The following CAPS2 variants were observed in gnomAD, a reference collection of about 807,000 sequenced individuals.
CAPS2 encodes the protein calcyphosine 2.
CAPS2 carries 98 observed loss-of-function variants against 86.5 expected under a neutral mutation model. That is an observed-to-expected ratio of 1.13 (90% CI 0.96 to 1.34). The LOEUF is 1.34. CAPS2 is among the 40% of genes most tolerant of loss of function. The pLI is 0.00. For synonymous variants in CAPS2, 210 were observed against 225.1 expected (o/e 0.93, Z 0.60); for missense variants, 729 against 686.8 (o/e 1.06, Z -0.69).
intron 1 of CAPS2, chr12:75,347,847 A>G: frequency 4.8e-6 from 2 of 413,470 alleles, no homozygotes; most frequent in Non-Finnish European, 8.6e-6. Flanking sequence ...TACAATGCTA[A>G]TCAAATGAGA....
intron 7 of CAPS2, among the ~76,000 whole-genome samples, chr12:75,311,065 ATAAT>A (rs2039104821): frequency 6.6e-6 from 1 of 152,222 alleles, no homozygotes; most frequent in African/African-American, 2.4e-5. Flanking sequence ...GTGGTGACAC[ATAAT>A]TAATACGTGA....
intron 16 of CAPS2, among the ~76,000 whole-genome samples, chr12:75,281,676 T>C (rs1398442655): frequency 6.6e-6 from 1 of 151,928 alleles, no homozygotes; most frequent in Non-Finnish European, 1.5e-5. Flanking sequence ...TGGAAGGAAA[T>C]GTAAAGAGGA....
At chr12:75,375,476 G>A (rs1226161295) in intron 1 of CAPS2, among the ~76,000 whole-genome samples, 1 of 152,168 alleles carries the variant, frequency 6.6e-6, no homozygotes, top group Non-Finnish European at 1.5e-5. Context: ...ATGGGAAGAA[G>A]ATGAACAGTA....
At chr12:75,365,152 C>T (rs75088220) in intron 1 of CAPS2, 1 of 152,082 alleles carries the variant, frequency 6.6e-6, no homozygotes, top group African/African-American at 2.4e-5. Context: ...GTTTTAGCAA[C>T]AGAGCATATG....
At chr12:75,384,120 A>G (rs1386976417) in intron 1 of CAPS2, among the ~76,000 whole-genome samples, 3 of 152,154 alleles carry the variant, frequency 2.0e-5, no homozygotes, top group Non-Finnish European at 4.4e-5. Flanking sequence ...GAAAAAAAAG[A>G]GCAAATTAAA....
At chr12:75,377,914 T>A (rs1340502062) in intron 1 of CAPS2, among the ~76,000 whole-genome samples, 1 of 151,720 alleles carries the variant, frequency 6.6e-6, no homozygotes, top group Admixed American at 6.6e-5. Context: ...TATATAATCA[T>A]TTTAAATGTA....
intron 1 of CAPS2, among the ~76,000 whole-genome samples, chr12:75,368,450 A>C (rs947880282): frequency 1.3e-5 from 2 of 151,856 alleles, no homozygotes; most frequent in Middle Eastern, 3.4e-3. Flanking sequence ...TTTCTAATAT[A>C]ACACAGCTAC....
intron 1 of CAPS2, among the ~76,000 whole-genome samples, chr12:75,374,552 T>G (rs1440072569): frequency 6.6e-6 from 1 of 152,132 alleles, no homozygotes; most frequent in Non-Finnish European, 1.5e-5. Flanking sequence ...CACCAATGAG[T>G]CCAGTGTCTT....
chr12:75,371,474 C>T, intron 1 of CAPS2: 1 of 360,570 alleles, frequency 2.8e-6, no homozygotes. Context: ...AGGAACAATA[C>T]TTTGCATCCT....
chr12:75,299,832 A>G lies in CAPS2; in HGVS notation c.854+5T>C, dbSNP rs760548522. The G allele has an allele frequency of 4.9e-6, 7 of 1,437,866 alleles. No individual in the cohort carries two copies. The East Asian group carries it at 1.7e-4, about 34-fold the overall frequency. The allele number at this position is 1,437,866 out of a possible 1,614,324, so 89.1% of individuals were successfully genotyped here. A position where few individuals can be genotyped will look rare whatever the true frequency, so the allele number is the denominator to read the frequency against. On this transcript the variant is annotated splice_donor_5th_base_variant and intron_variant, in intron 9 of 16. Coordinates refer to ENST00000393284, the Ensembl canonical transcript of CAPS2. ...GATTAAAAATTTTAATAAAATCACA[A>G]TTACCGTGATACGATCCTACCATCA...
In CAPS2 at chr12:75,358,119, T is replaced by G. The variant is rs139111529; in HGVS notation, c.-395+32719A>C. On this transcript the variant is annotated intron_variant, in intron 1 of 5. Transcript: ENST00000551829. Reference sequence around the variant, plus strand: ...GCAAACCATACTGATCAAAAAAAGATAAAAATAATATGAGAACATAGGTGA... The same window carrying G: ...GCAAACCATACTGATCAAAAAAAGAGAAAAATAATATGAGAACATAGGTGA... Among the ~76,000 whole-genome samples, 396 of 151,528 alleles carry G rather than the reference T, an allele frequency of 2.6e-3. 1 individual carries two copies. Among genetic ancestry groups the G allele is most frequent in the Non-Finnish European group, 4.4e-3 (301 of 67,732 alleles).
intron 1 of CAPS2, among the ~76,000 whole-genome samples, chr12:75,358,004 G>A (rs1319381889): frequency 6.8e-6 from 1 of 147,116 alleles, no homozygotes. Flanking sequence ...AAAAATAAAA[G>A]CATACATAAA....
chr12:75,359,357 CTTTTTTTTTTTTTT>C (rs61616225), intron 1 of CAPS2, among the ~76,000 whole-genome samples: 2 of 28,586 alleles, frequency 7.0e-5, no homozygotes, highest in African/African-American at 1.4e-4. Flanking sequence ...GCATTGTTGT[CTTTTTTTTTTTTTT>C]TTTTTTTTTT....
chr12:75,365,448 C>A (rs1469135580), intron 1 of CAPS2, among the ~76,000 whole-genome samples: 2 of 152,018 alleles, frequency 1.3e-5, no homozygotes, highest in Non-Finnish European at 2.9e-5. Context: ...TTACTGTAGC[C>A]AAGAGATAAT....
chr12:75,338,885 G>A (rs1006669082), intron 1 of CAPS2, among the ~76,000 whole-genome samples: 1 of 152,168 alleles, frequency 6.6e-6, no homozygotes, highest in African/African-American at 2.4e-5. Context: ...GTTTGCTGAG[G>A]ATAATAGCTT....
chr12:75,311,988 A>T (rs561852356), intron 7 of CAPS2, among the ~76,000 whole-genome samples: 52 of 152,152 alleles, frequency 3.4e-4, no homozygotes, highest in Non-Finnish European at 5.9e-4. Context: ...AACAGCCACC[A>T]TTATTTCTGT....
chr12:75,351,581 CT>C (rs1372276406), intron 1 of CAPS2, among the ~76,000 whole-genome samples: 1 of 150,782 alleles, frequency 6.6e-6, no homozygotes, highest in Non-Finnish European at 1.5e-5. Flanking sequence ...GAGTCCCACT[CT>C]GTCACCCAAG....
intron 2 of CAPS2, among the ~76,000 whole-genome samples, chr12:75,324,529 A>G (rs536081263): frequency 5.9e-5 from 9 of 152,194 alleles, no homozygotes; most frequent in Middle Eastern, 3.4e-3. Flanking sequence ...TACTTACTCG[A>G]TATCTTGGAT....
intron 1 of CAPS2, chr12:75,369,487 A>C (rs1241274833): frequency 1.0e-6 from 1 of 967,284 alleles, no homozygotes; most frequent in Non-Finnish European, 1.2e-6. Flanking sequence ...ATTATTTCCT[A>C]ATGAAGTGCT....
Sources: allele counts gnomAD v4.1 joint callset (sites outside exome capture counted in the v4.1 genomes callset), GRCh38; gene constraint gnomAD v4.1.1; transcripts MANE v1.5; gene names NCBI Gene and HGNC (gene_info 2026-07-23, HGNC 2026-07-21).